The following RBFOX1 variants were observed in gnomAD, a reference collection of about 807,000 sequenced individuals.
RBFOX1 encodes the protein RNA binding fox-1 homolog 1.
A neutral mutation model predicts 57.7 loss-of-function variants in RBFOX1; 8 were observed. The ratio of observed to expected loss-of-function variants is 0.14; its 90% CI spans 0.08 to 0.25. The LOEUF is 0.25. Ranked by LOEUF, RBFOX1 falls within the 10% of genes least tolerant of loss-of-function variation. The pLI is 1.00. For synonymous variants in RBFOX1, 326 were observed against 222.4 expected (o/e 1.47, Z -4.15); for missense variants, 611 against 548.5 (o/e 1.11, Z -1.14).
intron 1 of RBFOX1, among the ~76,000 whole-genome samples, chr16:6,146,635 C>T (rs1160549645): frequency 3.9e-5 from 6 of 152,026 alleles, no homozygotes; most frequent in Admixed American, 6.6e-5. Flanking sequence ...GTCCTTAGGA[C>T]GATGCTGGGC....
chr16:5,930,280 T>C (rs1394439891), intron 4 of RBFOX1, among the ~76,000 whole-genome samples: 1 of 13,744 alleles, frequency 7.3e-5, no homozygotes, highest in African/African-American at 3.3e-4. Context: ...GGAGGGTGAG[T>C]AGGTGAGTGG....
intron 3 of RBFOX1, among the ~76,000 whole-genome samples, chr16:6,758,462 A>G (rs1055617482): frequency 1.3e-5 from 2 of 152,158 alleles, no homozygotes; most frequent in Non-Finnish European, 2.9e-5. Flanking sequence ...TTGTAGCAAA[A>G]TGTTAGACAG....
At chr16:7,636,001 C>T (rs145255990) in intron 11 of RBFOX1, among the ~76,000 whole-genome samples, 67 of 152,118 alleles carry the variant, frequency 4.4e-4, no homozygotes, top group African/African-American at 1.4e-3. Context: ...TTAGTAGAGA[C>T]GGAGTTTCAC....
At chr16:7,657,426 T>C (rs150902098) in intron 12 of RBFOX1, among the ~76,000 whole-genome samples, 4,445 of 152,286 alleles carry the variant, frequency 0.029, 93 homozygotes, top group African/African-American at 0.055. Context: ...CACCTCAGCC[T>C]CCTAAGTAGC....
chr16:6,954,499 G>A (rs1180223449), intron 3 of RBFOX1, among the ~76,000 whole-genome samples: 3 of 152,096 alleles, frequency 2.0e-5, no homozygotes, highest in Non-Finnish European at 4.4e-5. Context: ...TGAAACATTT[G>A]TTTTAATAAA....
rs932183621 is a variant in RBFOX1, at chr16:5,467,195, T to C, written c.220-21T>C. On this transcript the variant is annotated intron_variant, in intron 1 of 2. Coordinates refer to the RBFOX1 transcript ENST00000585867. The stretch of plus-strand genomic sequence containing the variant: ...TTTCTTCTCTCTCTCTCTCTCTCTC[T>C]CTTTTTTTTTTTTAATGCAGGATCT... 5 of 1,323,548 alleles carry C rather than the reference T, an allele frequency of 3.8e-6. No individual in the cohort carries two copies. The African/African-American group carries it at 4.6e-5, about 12-fold the overall frequency. The allele number at this position is 1,323,548 out of a possible 1,614,324, so 82.0% of individuals were successfully genotyped here.
At chr16:6,788,120 G>A (rs570872099) in intron 3 of RBFOX1, among the ~76,000 whole-genome samples, 94 of 152,180 alleles carry the variant, frequency 6.2e-4, no homozygotes, top group Non-Finnish European at 1.2e-3. Context: ...TACTGGGAAG[G>A]CTGAGGCAGG....
intron 4 of RBFOX1, among the ~76,000 whole-genome samples, chr16:7,355,167 G>C (rs1470731084): frequency 3.3e-5 from 5 of 152,056 alleles, no homozygotes; most frequent in African/African-American, 4.8e-5. Flanking sequence ...GAAGTCCCAG[G>C]GCATTGGGAG....
chr16:5,828,854 G>T (rs968622890), intron 3 of RBFOX1, among the ~76,000 whole-genome samples: 1 of 152,088 alleles, frequency 6.6e-6, no homozygotes, highest in South Asian at 2.1e-4. Context: ...ATTTATTGTT[G>T]TGTAATAAAT....
Position 6,851,204 on chromosome 16 carries a change from C to T in RBFOX1, c.-16+196554C>T, listed in dbSNP as rs184014542. Reference sequence around the variant, plus strand: ...CTAAAGGTTACATACAAAATGATACCGTGTATGTAGCATTCTTGAGTTTAA... The same window carrying T: ...CTAAAGGTTACATACAAAATGATACTGTGTATGTAGCATTCTTGAGTTTAA... On this transcript the variant is annotated intron_variant, in intron 3 of 15. Coordinates refer to ENST00000550418, the MANE Select transcript of RBFOX1 (RefSeq NM_018723.4). 2.1e-4 allele frequency among the ~76,000 whole-genome samples: 32 copies of T among 152,138 alleles called. No homozygotes were observed. In the East Asian group the frequency reaches 5.4e-3, roughly 26 times the overall value.
intron 4 of RBFOX1, among the ~76,000 whole-genome samples, chr16:7,379,869 T>G (rs2097757875): frequency 6.6e-6 from 1 of 151,958 alleles, no homozygotes; most frequent in Non-Finnish European, 1.5e-5. Flanking sequence ...TTTCTTTCTT[T>G]CTAGATAGAG....
At chr16:6,140,751 C>G (rs1398403040) in intron 1 of RBFOX1, among the ~76,000 whole-genome samples, 2 of 152,164 alleles carry the variant, frequency 1.3e-5, no homozygotes, top group South Asian at 4.1e-4. Context: ...CCAGGAGTAC[C>G]TCATCCTATA....
chr16:6,667,907 A>C (rs1367848438), intron 3 of RBFOX1, among the ~76,000 whole-genome samples: 1 of 152,090 alleles, frequency 6.6e-6, no homozygotes, highest in East Asian at 1.9e-4. Flanking sequence ...TAAAGAAAAA[A>C]AAAATAAGTA....
Position 6,994,201 on chromosome 16 carries a change from A to T in RBFOX1, c.-15-57856A>T, listed in dbSNP as rs901961239. ...GCTCCTTTCCAGTCTGCAAAATTAG[A>T]AGGAGGAAAACACTGCAGTAGTACT... On this transcript the variant is annotated intron_variant, in intron 3 of 15. Transcript: ENST00000550418. Among the ~76,000 whole-genome samples the T allele has an allele frequency of 2.6e-5, 4 of 152,234 alleles. No individual in the cohort carries two copies. The South Asian group carries it at 8.3e-4, about 32-fold the overall frequency.
chr16:6,808,199 T>TAG (rs1453487622), intron 3 of RBFOX1, among the ~76,000 whole-genome samples: 1 of 150,028 alleles, frequency 6.7e-6, no homozygotes, highest in Non-Finnish European at 1.5e-5. Flanking sequence ...TATATATATA[T>TAG]AGTTCTATTG....
At chr16:6,404,534 C>G (rs1190247276) in intron 2 of RBFOX1, among the ~76,000 whole-genome samples, 4 of 152,172 alleles carry the variant, frequency 2.6e-5, no homozygotes, top group South Asian at 2.1e-4. Flanking sequence ...TGTGTGTTCT[C>G]TACTCTAATA....
At chr16:7,584,312 A>C (rs2093976597) in intron 6 of RBFOX1, among the ~76,000 whole-genome samples, 1 of 152,126 alleles carries the variant, frequency 6.6e-6, no homozygotes, top group South Asian at 2.1e-4. Context: ...TTGTTTTTTA[A>C]GATAGAGTCT....
At chr16:5,847,308 A>G (rs557795762) in intron 3 of RBFOX1, among the ~76,000 whole-genome samples, 1 of 148,806 alleles carries the variant, frequency 6.7e-6, no homozygotes, top group East Asian at 2.1e-4. Context: ...GCTTTGCATG[A>G]CCTTGGGCAA....
chr16:7,215,468 C>T (rs1275879322), intron 4 of RBFOX1, among the ~76,000 whole-genome samples: 3 of 152,138 alleles, frequency 2.0e-5, no homozygotes, highest in Non-Finnish European at 4.4e-5. Flanking sequence ...CACATATACA[C>T]CATGGAATTT....
Sources: gnomAD v4.1 joint callset for allele counts (sites outside exome capture counted in the v4.1 genomes callset) on GRCh38, gnomAD v4.1.1 for gene constraint, MANE v1.5 for transcripts, NCBI Gene and HGNC (gene_info 2026-07-23, HGNC 2026-07-21) for gene names.